HYDIN: variants seen among roughly 807,000 people sequenced by gnomAD.
The protein encoded by HYDIN is HYDIN axonemal central pair apparatus protein, also known as axonemal central pair apparatus protein HYDIN.
In HYDIN, 132 loss-of-function variants were observed where a neutral mutation model predicts 403.9. The observed-to-expected ratio is 0.33, with a 90% CI of 0.28 to 0.38. The LOEUF (loss-of-function observed/expected upper bound fraction) is 0.38, where lower values mean the gene tolerates loss of function less well. Among genes scored for constraint, HYDIN ranks in the 10% least tolerant of loss-of-function variants. The pLI is 1.00. For synonymous variants in HYDIN, 1,202 were observed against 1,891.7 expected (o/e 0.64, Z 9.46); for missense variants, 2,827 against 5,009.5 (o/e 0.56, Z 13.15).
chr16:71,208,828 TC>T (rs1351923785), intron 1 of HYDIN, among the ~76,000 whole-genome samples: 1 of 152,120 alleles, frequency 6.6e-6, no homozygotes, highest in African/African-American at 2.4e-5. Context: ...ACATACATCC[TC>T]CCAAGACTGA....
At chr16:70,888,116 C>T (rs1332921816) in intron 58 of HYDIN, among the ~76,000 whole-genome samples, 3 of 152,248 alleles carry the variant, frequency 2.0e-5, no homozygotes, top group Non-Finnish European at 4.4e-5. Flanking sequence ...TTTGCTGAGA[C>T]ATACTATTTT....
intron 69 of HYDIN, among the ~76,000 whole-genome samples, chr16:70,861,612 C>A: frequency 7.4e-6 from 1 of 134,378 alleles, no homozygotes; most frequent in Non-Finnish European, 1.6e-5. Context: ...GTTGTAAGCA[C>A]TTTATTTGAA....
chr16:71,075,764 T>C (rs1245741336), intron 13 of HYDIN, among the ~76,000 whole-genome samples: 4 of 145,694 alleles, frequency 2.7e-5, no homozygotes, highest in Non-Finnish European at 6.0e-5. Flanking sequence ...GTGTACATCA[T>C]GGCATCTGCC....
rs191744131 is a variant in HYDIN, at chr16:70,850,253, C to A, written c.12651+195G>T. On this transcript the variant is annotated intron_variant, in intron 74 of 85. Transcript: ENST00000393567. ...TCTCCCCACCATCTCTCCACCCCCC[C>A]CTGAAAATAAAATAAGAAAAGCATT... Among the ~76,000 whole-genome samples the A allele has an allele frequency of 4.4e-4, 64 of 144,594 alleles. 3 individuals carry two copies. The highest frequency in any genetic ancestry group is 1.3e-3 in the African/African-American group (45 of 34,546). The allele number at this position is 144,594 out of a possible 152,430, so 94.9% of individuals were successfully genotyped here.
At chr16:71,166,013 G>A (rs1447247801) in intron 5 of HYDIN, among the ~76,000 whole-genome samples, 2 of 149,298 alleles carry the variant, frequency 1.3e-5, no homozygotes, top group Admixed American at 6.7e-5. Flanking sequence ...CCTGAGTAAC[G>A]TTTTAGAAAA....
rs201567505 is a variant in HYDIN, at chr16:70,818,100, AAAAC to A, written c.14658+238_14658+241del. 7.2e-3 allele frequency among the ~76,000 whole-genome samples: 1,096 copies of A among 152,376 alleles called. 11 individuals are homozygous for A. The highest frequency in any genetic ancestry group is 0.021 in the African/African-American group (892 of 41,584). On this transcript the variant is annotated intron_variant, in intron 84 of 85. Coordinates refer to ENST00000393567, the MANE Select transcript of HYDIN (RefSeq NM_001270974.2). ...AAAAATACTTTTAGCTGGAACAAAG[AAAAC>A]AAACAAATCACAGAGACAAGGTTCA... is the stretch of plus-strand genomic sequence containing the variant.
At chr16:71,176,276 G>T (rs2086668314) in intron 4 of HYDIN, among the ~76,000 whole-genome samples, 1 of 149,142 alleles carries the variant, frequency 6.7e-6, no homozygotes, top group Admixed American at 6.7e-5. Flanking sequence ...CTGCACTCCA[G>T]CCTGGGAGCA....
At chr16:70,820,944 T>C (rs1305521526) in intron 83 of HYDIN, among the ~76,000 whole-genome samples, 1 of 151,980 alleles carries the variant, frequency 6.6e-6, no homozygotes, top group Admixed American at 6.6e-5. Context: ...CCACTGCACC[T>C]GGCCTTTAAA....
intron 8 of HYDIN, among the ~76,000 whole-genome samples, chr16:71,135,302 G>T (rs1007654174): frequency 1.3e-5 from 2 of 151,604 alleles, no homozygotes; most frequent in African/African-American, 4.9e-5. Flanking sequence ...CAGGGGAGGT[G>T]AAGTGGGGAA....
intron 28 of HYDIN, among the ~76,000 whole-genome samples, chr16:70,981,910 C>T (rs2079056257): frequency 6.6e-6 from 1 of 151,846 alleles, no homozygotes; most frequent in East Asian, 1.9e-4. Context: ...GGGTGGATCA[C>T]GAGGTCAGGA....
At chr16:71,205,033 T>C (rs1366527197) in intron 1 of HYDIN, among the ~76,000 whole-genome samples, 1 of 152,206 alleles carries the variant, frequency 6.6e-6, no homozygotes, top group Non-Finnish European at 1.5e-5. Flanking sequence ...AGCAAAGCCC[T>C]AGAACACCAT....
chr16:70,824,218 T>A (rs13339158), intron 83 of HYDIN, among the ~76,000 whole-genome samples: 5,443 of 146,146 alleles, frequency 0.037, 315 homozygotes, highest in African/African-American at 0.12. Flanking sequence ...ACTCTGTCAT[T>A]TTTACTCCAA....
intron 20 of HYDIN, among the ~76,000 whole-genome samples, chr16:71,026,939 T>G (rs1303568880): frequency 6.6e-6 from 1 of 152,124 alleles, no homozygotes; most frequent in African/African-American, 2.4e-5. Flanking sequence ...CTGCATTTTG[T>G]CGGGAGGGAG....
intron 14 of HYDIN, among the ~76,000 whole-genome samples, chr16:71,068,773 C>A (rs2082359052): frequency 6.6e-6 from 1 of 152,156 alleles, no homozygotes; most frequent in African/African-American, 2.4e-5. Context: ...GCTTTTCCTG[C>A]AGAACTCAAG....
At chr16:70,951,870 CCACT>C (rs1458903820) in intron 41 of HYDIN, among the ~76,000 whole-genome samples, 1 of 76,220 alleles carries the variant, frequency 1.3e-5, no homozygotes, top group East Asian at 3.5e-4. Context: ...CTCACTGCAC[CCACT>C]GTCTCTGGCT....
intron 5 of HYDIN, among the ~76,000 whole-genome samples, chr16:71,175,175 C>G (rs953414565): frequency 1.4e-4 from 21 of 151,632 alleles, no homozygotes; most frequent in African/African-American, 5.1e-4. Flanking sequence ...ACCATCTACA[C>G]CACCACCACC....
chr16:70,944,036 G>A, intron 41 of HYDIN, 87 bp from the exon 42 acceptor site: 1 of 979,654 alleles, frequency 1.0e-6, no homozygotes, highest in South Asian at 1.5e-5. Flanking sequence ...ACCTTGGGAA[G>A]ATCACATAAT....
chr16:70,930,211 T>C (rs1278858990), intron 45 of HYDIN, among the ~76,000 whole-genome samples: 20 of 152,378 alleles, frequency 1.3e-4, no homozygotes, highest in Middle Eastern at 3.4e-3. Context: ...CTGGGCACAG[T>C]GGCTCACGCC....
intron 76 of HYDIN, among the ~76,000 whole-genome samples, chr16:70,839,624 G>A (rs1040857335): frequency 2.0e-5 from 3 of 152,024 alleles, no homozygotes; most frequent in African/African-American, 7.3e-5. Context: ...CTTGAATGGG[G>A]CTCAGAACCT....
Sources: gnomAD v4.1 joint callset for allele counts (sites outside exome capture counted in the v4.1 genomes callset) on GRCh38, gnomAD v4.1.1 for gene constraint, MANE v1.5 for transcripts, NCBI Gene and HGNC (gene_info 2026-07-23, HGNC 2026-07-21) for gene names.